The following ADGRL3 variants were observed in gnomAD, a reference collection of about 807,000 sequenced individuals.
ADGRL3 encodes adhesion G protein-coupled receptor L3.
A neutral mutation model predicts 153.5 loss-of-function variants in ADGRL3; 62 were observed. The observed-to-expected ratio is 0.40, with a 90% CI of 0.33 to 0.50. The LOEUF (loss-of-function observed/expected upper bound fraction) is 0.50. Among genes scored for constraint, ADGRL3 ranks in the 20% least tolerant of loss-of-function variants. The pLI, the probability that ADGRL3 is intolerant of heterozygous loss-of-function variation, is 0.47. For synonymous variants in ADGRL3, 710 were observed against 672.5 expected, an observed-to-expected ratio of 1.06 and a Z score of -0.86; for missense variants, 1,641 against 1,859.4, an observed-to-expected ratio of 0.88 and a Z score of 2.16.
chr4:61,434,272 G>A (rs914863700), intron 2 of ADGRL3, among the ~76,000 whole-genome samples: 3 of 151,966 alleles, frequency 2.0e-5, no homozygotes, highest in Non-Finnish European at 4.4e-5. Context: ...CAATGGTCAT[G>A]GTGGGAAAAA....
intron 6 of ADGRL3, among the ~76,000 whole-genome samples, chr4:61,682,033 T>C (rs915275651): frequency 7.2e-5 from 11 of 152,038 alleles, no homozygotes; most frequent in Non-Finnish European, 1.3e-4. Flanking sequence ...ATTGCTAGAA[T>C]GATAAACACA....
chr4:61,350,773 C>T (rs905099134), intron 1 of ADGRL3, among the ~76,000 whole-genome samples: 1 of 152,080 alleles, frequency 6.6e-6, no homozygotes, highest in Non-Finnish European at 1.5e-5. Context: ...TGAACCTATT[C>T]GATAAATGTA....
At chr4:61,992,960 A>T (rs2099108513) in intron 19 of ADGRL3, among the ~76,000 whole-genome samples, 1 of 152,186 alleles carries the variant, frequency 6.6e-6, no homozygotes, top group African/African-American at 2.4e-5. Context: ...ATTTGTTTAG[A>T]TTCCTTAACT....
intron 2 of ADGRL3, among the ~76,000 whole-genome samples, chr4:61,434,871 T>G (rs570254833): frequency 3.3e-5 from 5 of 152,214 alleles, no homozygotes; most frequent in Non-Finnish European, 5.9e-5. Flanking sequence ...GTACATCTCA[T>G]CTCTCTCATT....
intron 1 of ADGRL3, chr4:61,211,638 A>G (rs1351039380): frequency 6.6e-6 from 1 of 152,228 alleles, no homozygotes; most frequent in East Asian, 1.9e-4. Flanking sequence ...AAGAGGCCAG[A>G]GTGATCTTAG....
intron 2 of ADGRL3, among the ~76,000 whole-genome samples, chr4:61,397,979 T>A (rs2096887764): frequency 6.6e-6 from 1 of 151,896 alleles, no homozygotes. Context: ...CTGTTGAAAT[T>A]TCTGGAGGGA....
At chr4:61,831,800 G>T (rs2097873193) in intron 9 of ADGRL3, among the ~76,000 whole-genome samples, 1 of 152,092 alleles carries the variant, frequency 6.6e-6, no homozygotes, top group South Asian at 2.1e-4. Context: ...AGACTGTTTA[G>T]GGGGTGCAAG....
intron 4 of ADGRL3, among the ~76,000 whole-genome samples, chr4:61,517,785 T>A (rs1165427178): frequency 2.0e-5 from 3 of 152,220 alleles, no homozygotes; most frequent in Admixed American, 6.5e-5. Flanking sequence ...TTTTGCATTA[T>A]CACAGGAAAT....
intron 3 of ADGRL3, among the ~76,000 whole-genome samples, chr4:61,510,769 A>G (rs1332251731): frequency 6.6e-6 from 1 of 152,146 alleles, no homozygotes; most frequent in Non-Finnish European, 1.5e-5. Context: ...CAGGAATTTT[A>G]CAATAGTTTT....
chr4:61,257,990 C>CGT (rs1396714817), intron 1 of ADGRL3, among the ~76,000 whole-genome samples: 1 of 152,126 alleles, frequency 6.6e-6, no homozygotes, highest in Non-Finnish European at 1.5e-5. Context: ...TGAGTACATA[C>CGT]AGGTTAGGAA....
rs545112505 is a variant in ADGRL3 at position 61,520,652 on chromosome 4, C to CTGTG, written c.259+3164_259+3167dup. On this transcript the variant is annotated intron_variant, in intron 4 of 26. Transcript: ENST00000683033. ...TAGATGAGGAGGCTTCTATAAACCT[C>CTGTG]TGTGTGTGTGTGTGTGTGTGTGTGT... 6.1e-3 allele frequency among the ~76,000 whole-genome samples: 720 copies of CTGTG among 118,564 alleles called. 13 individuals carry two copies. Among genetic ancestry groups the CTGTG allele is most frequent in the African/African-American group, 0.02 (633 of 31,764 alleles). The allele number at this position is 118,564 out of a possible 152,430, so 77.8% of individuals were successfully genotyped here.
chr4:61,871,288 A>G (rs575167727), intron 9 of ADGRL3, among the ~76,000 whole-genome samples: 1 of 152,166 alleles, frequency 6.6e-6, no homozygotes, highest in East Asian at 1.9e-4. Flanking sequence ...AGAAAAAAAA[A>G]AAAAAGTGTA....
intron 8 of ADGRL3, among the ~76,000 whole-genome samples, chr4:61,813,077 T>C (rs1662755217): frequency 6.6e-6 from 1 of 152,184 alleles, no homozygotes. Context: ...CTGAGGTAGG[T>C]GCAGAAATTG....
At position 61,892,735 on chromosome 4, in the gene ADGRL3, A is replaced by C; in HGVS notation, c.1560A>C (p.Gly520=). The C allele has an allele frequency of 6.2e-7, 1 of 1,613,916 alleles. No individual in the cohort carries two copies. Among genetic ancestry groups the C allele is most frequent in the African/African-American group, 1.3e-5 (1 of 75,022 alleles). ...TTCGGACCACAACTTTGAGCCCAGGAAGGAGTACCACCCCGTCAGTGTCAG... is the reference window on the plus strand; with the variant it reads ...TTCGGACCACAACTTTGAGCCCAGGCAGGAGTACCACCCCGTCAGTGTCAG... ...TTLRTTTLSP[G]RSTTPSVSGR... The change falls in exon 10 of 27, where the codon GGA becomes GGC. Residue 520 remains glycine (G), a synonymous_variant. Transcript: ENST00000683033.
At position 61,295,489 on chromosome 4, in the gene ADGRL3, A is replaced by G. The variant is rs545179454; in HGVS notation, c.-239-87635A>G. Among the ~76,000 whole-genome samples the G allele has an allele frequency of 1.8e-4, 28 of 152,236 alleles. No homozygotes were observed. In the East Asian group the frequency reaches 5.4e-3, roughly 29 times the overall value. Reference sequence around the variant, plus strand: ...GTGAATCGAGGGGGAATGCCTGTGTATATATAATTAATAAAATAGAGATCT... The same window carrying G: ...GTGAATCGAGGGGGAATGCCTGTGTGTATATAATTAATAAAATAGAGATCT... On this transcript the variant is annotated intron_variant, in intron 1 of 26. Coordinates refer to ENST00000683033, the MANE Select transcript of ADGRL3 (RefSeq NM_001387552.1).
chr4:61,342,514 C>T (rs1182543156), intron 1 of ADGRL3, among the ~76,000 whole-genome samples: 1 of 152,086 alleles, frequency 6.6e-6, no homozygotes, highest in Non-Finnish European at 1.5e-5. Context: ...TCCCACACCC[C>T]TCTTGCCTAA....
intron 5 of ADGRL3, among the ~76,000 whole-genome samples, chr4:61,630,747 A>C (rs968245678): frequency 2.0e-5 from 3 of 152,244 alleles, no homozygotes; most frequent in Admixed American, 6.5e-5. Flanking sequence ...TAGATATACA[A>C]ATGTGTGCAA....
intron 5 of ADGRL3, among the ~76,000 whole-genome samples, chr4:61,660,062 C>T (rs1263719996): frequency 6.6e-6 from 1 of 152,148 alleles, no homozygotes; most frequent in African/African-American, 2.4e-5. Context: ...ACACCTTAAC[C>T]AAATGCCAAA....
intron 6 of ADGRL3, 47 bp downstream of exon 6, chr4:61,676,982 C>G: frequency 8.2e-7 from 1 of 1,215,114 alleles, no homozygotes; most frequent in South Asian, 1.2e-5. Flanking sequence ...AGATACTAAA[C>G]TGTGTTTTGC....
Sources: allele counts gnomAD v4.1 joint callset (sites outside exome capture counted in the v4.1 genomes callset), GRCh38; gene constraint gnomAD v4.1.1; transcripts MANE v1.5; gene names NCBI Gene and HGNC (gene_info 2026-07-23, HGNC 2026-07-21).